The following FAT3 variants were observed in gnomAD, a reference collection of about 807,000 sequenced individuals.
FAT3 encodes the protein FAT atypical cadherin 3.
Under a neutral mutation model 310.2 loss-of-function variants are expected in FAT3, and 95 were observed. The observed-to-expected ratio is 0.31, with a 90% CI of 0.26 to 0.36. FAT3 has a LOEUF of 0.36. Among genes scored for constraint, FAT3 ranks in the 10% least tolerant of loss-of-function variants. The pLI, the probability that FAT3 is intolerant of heterozygous loss-of-function variation, is 1.00. For synonymous variants in FAT3, 2,314 were observed against 2,192.9 expected (o/e 1.06, Z -1.54); for missense variants, 5,408 against 5,715.6 (o/e 0.95, Z 1.74).
rs2135907377 is a variant in FAT3 at position 92,697,464 on chromosome 11, C to A, written c.3669+19C>A. ...TCTGGAGGTAAGCGCATAGAGGGAACTGAAATTCATTAAAACTGACTTTCA... is the reference window on the plus strand; with the variant it reads ...TCTGGAGGTAAGCGCATAGAGGGAAATGAAATTCATTAAAACTGACTTTCA... On this transcript the variant is annotated intron_variant, in intron 4 of 27. Transcript: ENST00000525166. 2.5e-6 allele frequency: 4 copies of A among 1,612,894 alleles called. No homozygotes were observed. The highest frequency in any genetic ancestry group is 3.4e-6 in the Non-Finnish European group (4 of 1,179,040).
chr11:92,647,476 A>G (rs1042999715), intron 3 of FAT3, among the ~76,000 whole-genome samples: 4 of 152,216 alleles, frequency 2.6e-5, no homozygotes, highest in Non-Finnish European at 4.4e-5. Flanking sequence ...CTCTACATCA[A>G]TATTACATAG....
intron 22 of FAT3, among the ~76,000 whole-genome samples, chr11:92,880,335 G>GACTC (rs1949644694): frequency 6.7e-6 from 1 of 148,616 alleles, no homozygotes; most frequent in Non-Finnish European, 1.5e-5. Flanking sequence ...ATAGGACAGT[G>GACTC]ACTCAGGAAA....
At chr11:92,762,642 C>T (rs1442775658) in intron 5 of FAT3, among the ~76,000 whole-genome samples, 1 of 152,098 alleles carries the variant, frequency 6.6e-6, no homozygotes, top group East Asian at 1.9e-4. Context: ...AGACACAAAT[C>T]ACAATGATGT....
chr11:92,326,808 C>T (rs1248122440), intron 1 of FAT3, among the ~76,000 whole-genome samples: 1 of 152,192 alleles, frequency 6.6e-6, no homozygotes, highest in Non-Finnish European at 1.5e-5. Context: ...GCTATTTACT[C>T]TCAAGACTTA....
chr11:92,824,972 G>C (rs997272719), intron 13 of FAT3, among the ~76,000 whole-genome samples: 1 of 152,064 alleles, frequency 6.6e-6, no homozygotes, highest in East Asian at 1.9e-4. Flanking sequence ...TGGAAAATTG[G>C]GTAAGTACCA....
chr11:92,299,205 CA>C (rs1946928032), intron 1 of FAT3, among the ~76,000 whole-genome samples: 1 of 152,032 alleles, frequency 6.6e-6, no homozygotes, highest in Admixed American at 6.6e-5. Context: ...ATGGATTAAT[CA>C]AACTGAGCAA....
In FAT3 at chr11:92,894,224, C is replaced by A. The variant is rs1949975423; in HGVS notation, c.*3111C>A. On this transcript the variant is annotated 3_prime_UTR_variant, in exon 28 of 28. Transcript: ENST00000525166. ...TATAGAATTCATACATTTCTGTAGA[C>A]ATTCATCGAAATGCTGCTTTTGCCA... 6.6e-6 allele frequency: 1 copy of A among 152,218 alleles called. No homozygotes were observed. Among genetic ancestry groups the A allele is most frequent in the African/African-American group, 2.4e-5 (1 of 41,460 alleles). The allele number at this position is 152,218 out of a possible 1,614,324, so 9.4% of individuals were successfully genotyped here.
intron 3 of FAT3, among the ~76,000 whole-genome samples, chr11:92,584,006 C>T (rs934732062): frequency 9.2e-5 from 14 of 151,958 alleles, no homozygotes; most frequent in African/African-American, 2.4e-4. Flanking sequence ...GATAGAACAG[C>T]GCTTGAATTC....
At chr11:92,524,498 T>TAA in intron 2 of FAT3, 136 bp from the exon 3 acceptor site, 2 of 718,168 alleles carry the variant, frequency 2.8e-6, no homozygotes, top group Non-Finnish European at 4.5e-6. Context: ...AGTGACATCT[T>TAA]AATTTAACCT....
chr11:92,462,242 G>A (rs911561330), intron 2 of FAT3, among the ~76,000 whole-genome samples: 1 of 152,022 alleles, frequency 6.6e-6, no homozygotes, highest in African/African-American at 2.4e-5. Flanking sequence ...TGTCATGGGG[G>A]TTTGATGTAC....
intron 2 of FAT3, among the ~76,000 whole-genome samples, chr11:92,450,611 A>G (rs2135062808): frequency 6.6e-6 from 1 of 152,274 alleles, no homozygotes; most frequent in Admixed American, 6.5e-5. Flanking sequence ...TAAATCTTGT[A>G]TTTGGAATTA....
chr11:92,438,205 A>C (rs886989793), intron 2 of FAT3, among the ~76,000 whole-genome samples: 1 of 152,216 alleles, frequency 6.6e-6, no homozygotes, highest in Non-Finnish European at 1.5e-5. Flanking sequence ...AGACATGTTA[A>C]ATAATTTCAT....
intron 3 of FAT3, among the ~76,000 whole-genome samples, chr11:92,675,779 C>T (rs561939615): frequency 2.0e-5 from 3 of 152,256 alleles, no homozygotes; most frequent in Non-Finnish European, 2.9e-5. Context: ...AAGAACCATT[C>T]GGAGAAAAGT....
intron 21 of FAT3, among the ~76,000 whole-genome samples, chr11:92,864,557 C>T (rs1005377574): frequency 6.6e-6 from 1 of 152,150 alleles, no homozygotes; most frequent in Non-Finnish European, 1.5e-5. Context: ...GTGGCCCACA[C>T]CTGTAATCCC....
chr11:92,797,633 A>G (rs1436045445), intron 9 of FAT3, among the ~76,000 whole-genome samples: 1 of 152,186 alleles, frequency 6.6e-6, no homozygotes, highest in African/African-American at 2.4e-5. Flanking sequence ...GAAATTTACT[A>G]TAATACTGGG....
intron 25 of FAT3, among the ~76,000 whole-genome samples, chr11:92,887,986 T>G (rs1949834573): frequency 6.6e-6 from 1 of 152,240 alleles, no homozygotes; most frequent in South Asian, 2.1e-4. Flanking sequence ...TATGTAATCA[T>G]TCAATCTATA....
At chr11:92,782,420 TAAAAA>T (rs1001234893) in intron 7 of FAT3, among the ~76,000 whole-genome samples, 1 of 151,206 alleles carries the variant, frequency 6.6e-6, no homozygotes, top group African/African-American at 2.4e-5. Context: ...TTACAAAAAA[TAAAAA>T]AAACCAGACA....
chr11:92,310,130 G>T (rs1332667638), intron 1 of FAT3, among the ~76,000 whole-genome samples: 1 of 152,162 alleles, frequency 6.6e-6, no homozygotes, highest in Non-Finnish European at 1.5e-5. Flanking sequence ...GAAATGTAGT[G>T]TATGTGTAGT....
chr11:92,493,994 T>C lies in FAT3; in HGVS notation c.3293-30640T>C, dbSNP rs1247599978. On this transcript the variant is annotated intron_variant, in intron 2 of 27. Coordinates refer to ENST00000525166, the MANE Select transcript of FAT3 (RefSeq NM_001367949.2). The stretch of plus-strand genomic sequence containing the variant: ...TCTTAATTCTGTCATTTAACAGCTG[T>C]ATGATCTCATGCAAATTGTGTAAGT... Among the ~76,000 whole-genome samples the C allele has an allele frequency of 2.6e-5, 4 of 151,744 alleles. 1 individual carries two copies. In the East Asian group the frequency reaches 7.8e-4, roughly 29 times the overall value.
Sources: gnomAD v4.1 joint callset for allele counts (sites outside exome capture counted in the v4.1 genomes callset) on GRCh38, gnomAD v4.1.1 for gene constraint, MANE v1.5 for transcripts, NCBI Gene and HGNC (gene_info 2026-07-23, HGNC 2026-07-21) for gene names.